The following UNC13C variants were observed in gnomAD, a reference collection of about 807,000 sequenced individuals.
UNC13C encodes unc-13 homolog C, also known as protein unc-13 homolog C.
UNC13C carries 174 observed loss-of-function variants against 245.4 expected under a neutral mutation model. The ratio of observed to expected loss-of-function variants is 0.71; its 90% CI spans 0.63 to 0.80. The LOEUF is 0.80. Among genes scored for constraint, UNC13C ranks in the 30% least tolerant of loss-of-function variants. UNC13C has a pLI of 0.00. For missense variants in UNC13C, 2,829 were observed against 2,602.9 expected, an observed-to-expected ratio of 1.09 and a Z score of -1.89; for synonymous variants, 992 against 895.1, an observed-to-expected ratio of 1.11 and a Z score of -1.93.
intron 30 of UNC13C, among the ~76,000 whole-genome samples, chr15:54,619,074 G>A (rs1343154454): frequency 6.6e-6 from 1 of 152,154 alleles, no homozygotes; most frequent in Non-Finnish European, 1.5e-5. Context: ...GGGGCAAGCA[G>A]CTTTTCTATG....
chr15:54,080,587 G>A (rs988784238), intron 2 of UNC13C, among the ~76,000 whole-genome samples: 1 of 151,712 alleles, frequency 6.6e-6, no homozygotes, highest in African/African-American at 2.4e-5. Context: ...ATTTCCTCTT[G>A]GTTTCTATTT....
chr15:54,000,966 T>G (rs886602151), intron 1 of UNC13C, among the ~76,000 whole-genome samples: 2 of 152,178 alleles, frequency 1.3e-5, no homozygotes, highest in Admixed American at 1.3e-4. Context: ...CAAAAAAATT[T>G]TTTTAGTTTG....
At chr15:54,310,022 C>G (rs4430687) in intron 13 of UNC13C, among the ~76,000 whole-genome samples, 59,425 of 151,514 alleles carry the variant, frequency 0.39, 12,133 homozygotes, top group South Asian at 0.58. Context: ...TAATGTTAAT[C>G]CATTGTTTTT....
chr15:53,940,092 G>T, the UNC13C span, among the ~76,000 whole-genome samples: 1 of 152,108 alleles, frequency 6.6e-6, no homozygotes, highest in African/African-American at 2.4e-5. Context: ...TGTAATTGGG[G>T]TTTGTTTATT....
At position 54,215,085 on chromosome 15, in the gene UNC13C, A is replaced by G. The variant is rs566377936; in HGVS notation, c.3072-19945A>G. ...TTATGGAGGGAGTAAGGTTTTTGGT[A>G]TAGGTAATTGCAAGCTCTAGAAAAG... On this transcript the variant is annotated intron_variant, in intron 4 of 32. Transcript: ENST00000260323. Among the ~76,000 whole-genome samples, 3 of 151,908 alleles carry G rather than the reference A, an allele frequency of 2.0e-5. No individual in the cohort carries two copies. The South Asian group carries it at 6.2e-4, about 31-fold the overall frequency.
At chr15:53,908,774 T>C in the UNC13C span, among the ~76,000 whole-genome samples, 13 of 105,178 alleles carry the variant, frequency 1.2e-4, no homozygotes, top group Admixed American at 1.3e-3. Flanking sequence ...AAAAAAAGTG[T>C]ATCTAAATAT....
At chr15:54,307,489 C>A (rs899916367) in intron 13 of UNC13C, among the ~76,000 whole-genome samples, 2 of 151,922 alleles carry the variant, frequency 1.3e-5, no homozygotes, top group Non-Finnish European at 2.9e-5. Flanking sequence ...ACTGTTCAGA[C>A]CACAGCACAA....
chr15:54,296,361 C>T (rs530921239), intron 11 of UNC13C, among the ~76,000 whole-genome samples: 15 of 143,126 alleles, frequency 1.0e-4, no homozygotes, highest in Non-Finnish European at 1.9e-4. Context: ...CAACCACGGC[C>T]GGCTAATTTT....
At chr15:54,319,901 C>A (rs1405799746) in intron 13 of UNC13C, among the ~76,000 whole-genome samples, 2 of 151,902 alleles carry the variant, frequency 1.3e-5, no homozygotes, top group African/African-American at 4.8e-5. Context: ...AGAGAAGTAA[C>A]AAACTTGGAC....
chr15:54,460,907 G>T (rs1445345803), intron 19 of UNC13C, among the ~76,000 whole-genome samples: 4 of 152,076 alleles, frequency 2.6e-5, no homozygotes, highest in African/African-American at 7.2e-5. Context: ...CAAATCTGCT[G>T]TTGTAATAGT....
At chr15:54,227,262 G>A (rs541993827) in intron 4 of UNC13C, among the ~76,000 whole-genome samples, 8 of 152,216 alleles carry the variant, frequency 5.3e-5, no homozygotes, top group Admixed American at 1.3e-4. Flanking sequence ...GGATGGCCAC[G>A]GGCGGGCCTG....
At chr15:54,286,797 A>G (rs1320689484) in intron 10 of UNC13C, among the ~76,000 whole-genome samples, 1 of 152,204 alleles carries the variant, frequency 6.6e-6, no homozygotes, top group Admixed American at 6.5e-5. Flanking sequence ...ACTAAAATCA[A>G]AACAAAACAC....
At chr15:54,392,342 C>A (rs1287754460) in intron 17 of UNC13C, among the ~76,000 whole-genome samples, 1 of 151,940 alleles carries the variant, frequency 6.6e-6, no homozygotes, top group African/African-American at 2.4e-5. Flanking sequence ...TCACATTCTG[C>A]TTTCTAGACT....
At chr15:53,979,630 TACA>T (rs1382436727) in intron 1 of UNC13C, among the ~76,000 whole-genome samples, 34 of 152,180 alleles carry the variant, frequency 2.2e-4, no homozygotes, top group Admixed American at 2.2e-3. Flanking sequence ...AAGACAGATA[TACA>T]ACAATAGTAA....
intron 2 of UNC13C, among the ~76,000 whole-genome samples, chr15:54,071,767 G>A (rs927898050): frequency 6.6e-6 from 1 of 152,046 alleles, no homozygotes; most frequent in Admixed American, 6.5e-5. Flanking sequence ...CCTTTTTCAC[G>A]TTGTCTCTGG....
chr15:53,927,699 T>G, the UNC13C span, among the ~76,000 whole-genome samples: 16 of 152,192 alleles, frequency 1.1e-4, no homozygotes, highest in Non-Finnish European at 2.4e-4. Flanking sequence ...TTGGGAGTCA[T>G]CAGTAGAAGT....
chr15:54,447,797 A>G (rs1173549141), intron 19 of UNC13C, among the ~76,000 whole-genome samples: 1 of 151,842 alleles, frequency 6.6e-6, no homozygotes, highest in African/African-American at 2.4e-5. Context: ...GATCTTAGTT[A>G]TTTCTTGCCT....
intron 2 of UNC13C, among the ~76,000 whole-genome samples, chr15:54,033,226 A>T (rs536569648): frequency 2.0e-5 from 3 of 151,998 alleles, no homozygotes; most frequent in South Asian, 4.2e-4. Flanking sequence ...TTAGTTTATA[A>T]AAAAAAAGAT....
intron 13 of UNC13C, among the ~76,000 whole-genome samples, chr15:54,303,108 T>C (rs1211007372): frequency 6.6e-6 from 1 of 152,174 alleles, no homozygotes; most frequent in Non-Finnish European, 1.5e-5. Context: ...AACTTTGTTA[T>C]TGGATCCCTG....
Sources: gnomAD v4.1 joint callset for allele counts (sites outside exome capture counted in the v4.1 genomes callset) on GRCh38, gnomAD v4.1.1 for gene constraint, MANE v1.5 for transcripts, NCBI Gene and HGNC (gene_info 2026-07-23, HGNC 2026-07-21) for gene names.